IFFO2: variants seen among roughly 807,000 people sequenced by gnomAD.
The protein encoded by IFFO2 is intermediate filament family orphan 2.
IFFO2 carries 19 observed loss-of-function variants against 53.5 expected under a neutral mutation model. The ratio of observed to expected loss-of-function variants is 0.36; its 90% CI spans 0.25 to 0.52. IFFO2 has a LOEUF of 0.52. Among genes scored for constraint, IFFO2 ranks in the 20% least tolerant of loss-of-function variants. The pLI is 0.94. For missense variants in IFFO2, 570 were observed against 727.4 expected (o/e 0.78, Z 2.49); for synonymous variants, 303 against 313.6 (o/e 0.97, Z 0.36).
Position 18,908,396 on chromosome 1 carries a change from AG to A in IFFO2, c.*164del. On this transcript the variant is annotated 3_prime_UTR_variant, in exon 9 of 9. Transcript: ENST00000455833. The stretch of plus-strand genomic sequence containing the variant: ...ACGGGGCACCCGTTGGTGGTGTGGA[AG>A]GAAGGAAGGAAGCAGCAGTCCCTCA... 1 of 564,420 alleles carries A rather than the reference AG, an allele frequency of 1.8e-6. No homozygotes were observed. Among genetic ancestry groups the A allele is most frequent in the Non-Finnish European group, 3.2e-6 (1 of 311,236 alleles). The allele number at this position is 564,420 out of a possible 1,614,324, so 35.0% of individuals were successfully genotyped here. A position where few individuals can be genotyped will look rare whatever the true frequency, so the allele number is the denominator to read the frequency against.
intron 1 of IFFO2, among the ~76,000 whole-genome samples, chr1:18,949,299 C>A (rs28648498): frequency 0.79 from 120,614 of 152,274 alleles, 48,897 homozygotes; most frequent in East Asian, 0.94. Flanking sequence ...GAGTTGGAGC[C>A]GGCCCCCACA....
chr1:18,911,585 C>T, intron 6 of IFFO2, 109 bp from the exon 7 acceptor site: 1 of 490,276 alleles, frequency 2.0e-6, no homozygotes, highest in Non-Finnish European at 3.1e-6. Flanking sequence ...GTCACCCAGG[C>T]TGGAGTGCAG....
rs77606720 is a variant in IFFO2, at chr1:18,918,322, G to C, written c.963+40C>G. The C allele has an allele frequency of 1.9e-6, 3 of 1,539,154 alleles. No individual in the cohort carries two copies. In the South Asian group the frequency reaches 3.6e-5, roughly 18 times the overall value. The stretch of plus-strand genomic sequence containing the variant: ...GGTGGAGGCCAGGGCTGCTCTGGGA[G>C]AGTGGGGGGTTGGCTGGTGAGCAGG... On this transcript the variant is annotated intron_variant, in intron 4 of 8. Transcript: ENST00000455833. This position sits in a 1 kb window ranked among gnomAD's most constrained non-coding sequence, Gnocchi z 5.2.
chr1:18,926,810 G>A (rs943034431), intron 1 of IFFO2, among the ~76,000 whole-genome samples: 9 of 151,656 alleles, frequency 5.9e-5, no homozygotes, highest in Admixed American at 5.9e-4. Context: ...GGAAACCCAA[G>A]CTGAAGTCAC....
intron 5 of IFFO2, among the ~76,000 whole-genome samples, chr1:18,914,625 T>G (rs1936103689): frequency 6.6e-6 from 1 of 151,868 alleles, no homozygotes; most frequent in South Asian, 2.1e-4. Context: ...GAGACTAGCC[T>G]GGGCAACACG....
intron 1 of IFFO2, 129 bp downstream of exon 1, chr1:18,955,539 G>T: frequency 4.5e-6 from 6 of 1,346,080 alleles, no homozygotes; most frequent in Non-Finnish European, 5.8e-6. Context: ...AAGACGCTCT[G>T]CAAACACAGC....
chr1:18,924,169 A>G (rs534604127), intron 1 of IFFO2, among the ~76,000 whole-genome samples: 3 of 152,308 alleles, frequency 2.0e-5, no homozygotes, highest in South Asian at 2.1e-4. Flanking sequence ...AGTGTTGACA[A>G]TGCAGAAAAG....
At chr1:18,908,958 G>C (rs952449829) in intron 8 of IFFO2, among the ~76,000 whole-genome samples, 5 of 151,970 alleles carry the variant, frequency 3.3e-5, no homozygotes, top group African/African-American at 1.2e-4. Flanking sequence ...CCCATGTCTG[G>C]GCATATAGTA....
At chr1:18,921,173 T>C (rs1936211493) in intron 1 of IFFO2, 52 bp from the exon 2 acceptor site, 1 of 1,495,430 alleles carries the variant, frequency 6.7e-7, no homozygotes, top group African/African-American at 1.4e-5. Flanking sequence ...CCTGTGCCAG[T>C]CCAGCCCTCA....
At chr1:18,911,507 T>TTCTA in intron 6 of IFFO2, 31 bp from the exon 7 acceptor site, 1 of 527,554 alleles carries the variant, frequency 1.9e-6, no homozygotes, top group South Asian at 4.0e-5. Flanking sequence ...GGACAGTTTA[T>TTCTA]TTTATTTATT....
intron 1 of IFFO2, among the ~76,000 whole-genome samples, chr1:18,929,557 C>G (rs893657511): frequency 6.6e-6 from 1 of 152,162 alleles, no homozygotes; most frequent in African/African-American, 2.4e-5. Flanking sequence ...CACATTCCCC[C>G]ACCTGACATT....
At chr1:18,914,966 G>T (rs1030702113) in intron 5 of IFFO2, among the ~76,000 whole-genome samples, 1 of 152,090 alleles carries the variant, frequency 6.6e-6, no homozygotes, top group African/African-American at 2.4e-5. Flanking sequence ...TCCGATCCCA[G>T]TTCTGTTTCA....
chr1:18,955,359 A>C (rs1936710120), intron 1 of IFFO2, among the ~76,000 whole-genome samples: 1 of 152,152 alleles, frequency 6.6e-6, no homozygotes, highest in South Asian at 2.1e-4. Context: ...GCCTTACACA[A>C]TACGCTGTAT....
intron 1 of IFFO2, among the ~76,000 whole-genome samples, chr1:18,945,661 TCTCAGAGACAG>T (rs1042480486): frequency 2.0e-5 from 3 of 152,194 alleles, no homozygotes; most frequent in African/African-American, 7.2e-5. Context: ...TGAGCAAGCA[TCTCAGAGACAG>T]CTCAGAGACA....
chr1:18,922,967 G>A (rs1936235161), intron 1 of IFFO2, among the ~76,000 whole-genome samples: 1 of 152,036 alleles, frequency 6.6e-6, no homozygotes, highest in African/African-American at 2.4e-5. Flanking sequence ...AGGAGCACAG[G>A]GCATCTGGGG....
rs957372536 is a variant in IFFO2 at position 18,917,288 on chromosome 1, G to A, written c.964-246C>T. Among the ~76,000 whole-genome samples the A allele has an allele frequency of 5.3e-5, 8 of 152,120 alleles. No individual in the cohort carries two copies. Among genetic ancestry groups the A allele is most frequent in the East Asian group, 1.9e-4 (1 of 5,178 alleles). The stretch of plus-strand genomic sequence containing the variant: ...CCCTGGGCGGCCTGGTGGGTGCGCC[G>A]GCTCGGCTCGCCCTTTTACCACAGA... On this transcript the variant is annotated intron_variant, in intron 4 of 8. Transcript: ENST00000455833. This position sits in a 1 kb window ranked among gnomAD's most constrained non-coding sequence, Gnocchi z 5.9.
chr1:18,913,784 T>C (rs1936083102), intron 5 of IFFO2, among the ~76,000 whole-genome samples: 2 of 151,890 alleles, frequency 1.3e-5, no homozygotes, highest in South Asian at 4.2e-4. Context: ...TGGGGGGTGA[T>C]CAAAGTGATC....
At chr1:18,913,414 A>AG (rs1245603089) in intron 5 of IFFO2, among the ~76,000 whole-genome samples, 2 of 152,256 alleles carry the variant, frequency 1.3e-5, no homozygotes, top group Non-Finnish European at 2.9e-5. Context: ...TGGGATCTGA[A>AG]GGAAACCCCA....
chr1:18,943,221 A>T (rs191662437), intron 1 of IFFO2, among the ~76,000 whole-genome samples: 2,159 of 151,396 alleles, frequency 0.014, 27 homozygotes, highest in Middle Eastern at 0.037. Flanking sequence ...TATTTTTTTT[A>T]AAAAAAAATT....
Sources: allele counts gnomAD v4.1 joint callset (sites outside exome capture counted in the v4.1 genomes callset), GRCh38; gene constraint gnomAD v4.1.1; non-coding constraint Gnocchi (gnomAD v3.1); transcripts MANE v1.5; gene names NCBI Gene and HGNC (gene_info 2026-07-23, HGNC 2026-07-21).